LTN1: variants seen among roughly 807,000 people sequenced by gnomAD.
LTN1 encodes listerin E3 ubiquitin protein ligase 1, also known as E3 ubiquitin-protein ligase listerin.
Under a neutral mutation model 201.2 loss-of-function variants are expected in LTN1, and 88 were observed. The observed-to-expected ratio is 0.44, with a 90% CI of 0.37 to 0.52. The LOEUF (loss-of-function observed/expected upper bound fraction) is 0.52, where lower values mean the gene tolerates loss of function less well. Among genes scored for constraint, LTN1 ranks in the 20% least tolerant of loss-of-function variants. The probability of loss-of-function intolerance (pLI) is 0.00; values close to 1 mark genes in which losing one functional copy is unlikely to be tolerated. For synonymous variants in LTN1, 645 were observed against 713.5 expected (o/e 0.90, Z 1.53); for missense variants, 1,752 against 2,038.7 (o/e 0.86, Z 2.71).
intron 25 of LTN1, among the ~76,000 whole-genome samples, chr21:28,938,397 A>C (rs565526745): frequency 1.2e-4 from 19 of 152,334 alleles, no homozygotes; most frequent in African/African-American, 4.3e-4. Context: ...AATATGTTAA[A>C]AGATGTATGT....
At chr21:28,984,051 G>A (rs1394492661) in intron 4 of LTN1, among the ~76,000 whole-genome samples, 2 of 152,198 alleles carry the variant, frequency 1.3e-5, no homozygotes, top group East Asian at 1.9e-4. Flanking sequence ...CTGAAAATGG[G>A]AGTATAAATT....
intron 21 of LTN1, 71 bp from the exon 22 acceptor site, chr21:28,944,667 A>G: frequency 9.5e-7 from 1 of 1,049,588 alleles, no homozygotes; most frequent in South Asian, 1.5e-5. Context: ...GCCAATATAA[A>G]GAAAAGCCCC....
At chr21:28,976,368 G>C (rs1234793394) in intron 6 of LTN1, among the ~76,000 whole-genome samples, 1 of 152,158 alleles carries the variant, frequency 6.6e-6, no homozygotes, top group African/African-American at 2.4e-5. Flanking sequence ...GGGAGGCCAA[G>C]CCTGGTGGAT....
intron 11 of LTN1, among the ~76,000 whole-genome samples, chr21:28,962,884 T>C (rs960690469): frequency 3.3e-5 from 5 of 152,202 alleles, no homozygotes; most frequent in African/African-American, 1.2e-4. Flanking sequence ...TTACTGCTGA[T>C]ATGGACAAAG....
rs1047203924 is a variant in LTN1 at position 28,986,392 on chromosome 21, C to T, written c.247-155G>A. The T allele has an allele frequency of 1.5e-6, 1 of 686,664 alleles. No individual in the cohort carries two copies. Among genetic ancestry groups the T allele is most frequent in the Non-Finnish European group, 2.6e-6 (1 of 382,968 alleles). 42.5% of individuals were successfully genotyped at this position (686,664 alleles called of 1,614,324 possible). A position where few individuals can be genotyped will look rare whatever the true frequency, so the allele number is the denominator to read the frequency against. ...CTAGTTTGAAGAGCTCTTTCACAGG[C>T]TACTACGGTAGAAACTCTTCAGTTG... On this transcript the variant is annotated intron_variant, in intron 2 of 29. Transcript: ENST00000361371. The surrounding 1 kb of genome is among the most constrained non-coding windows in gnomAD (Gnocchi z 4.1).
In LTN1 at chr21:28,966,991, C is replaced by T. The variant is rs779036250; in HGVS notation, c.1500G>A (p.Ala500=). The T allele has an allele frequency of 1.9e-5, 30 of 1,613,882 alleles. No individual in the cohort carries two copies. The highest frequency in any genetic ancestry group is 8.3e-5 in the Admixed American group (5 of 59,978). ...FWERLSEICV[A]KISEPEADVE... ...CATCAGCTTCTGGCTCACTGATTTT[C>T]GCAACACAGATCTCTGACAGTCTTT... The change falls in exon 10 of 30, where the codon GCG becomes GCA. Residue 500 remains alanine, a synonymous_variant. Coordinates refer to ENST00000361371, the MANE Select transcript of LTN1 (RefSeq NM_015565.3).
chr21:28,991,488 G>A (rs2146323152), intron 1 of LTN1, among the ~76,000 whole-genome samples: 1 of 152,188 alleles, frequency 6.6e-6, no homozygotes, highest in East Asian at 1.9e-4. Flanking sequence ...TAAGAGTCCC[G>A]ACTTCTGCAA....
At chr21:28,951,910 C>T (rs994392918) in intron 18 of LTN1, among the ~76,000 whole-genome samples, 2 of 152,030 alleles carry the variant, frequency 1.3e-5, no homozygotes, top group African/African-American at 2.4e-5. Context: ...GTTGAGGGTA[C>T]AGTGAGCCAT....
chr21:28,975,591 C>CAA, intron 6 of LTN1, among the ~76,000 whole-genome samples: 1 of 152,196 alleles, frequency 6.6e-6, no homozygotes, highest in Non-Finnish European at 1.5e-5. Flanking sequence ...AAACTATTTA[C>CAA]AAAAATAGAT....
In LTN1 at chr21:28,928,853, T is replaced by C. The variant is rs2084189210; in HGVS notation, c.*1595A>G. ...TTTAAACAGTCTTATTATAAAACCATTTTTAAAGGAAAAGTAATAACTTTC... is the reference window on the plus strand; with the variant it reads ...TTTAAACAGTCTTATTATAAAACCACTTTTAAAGGAAAAGTAATAACTTTC... On this transcript the variant is annotated 3_prime_UTR_variant, in exon 30 of 30. Coordinates refer to ENST00000361371, the MANE Select transcript of LTN1 (RefSeq NM_015565.3). 1 of 152,510 alleles carries C rather than the reference T, an allele frequency of 6.6e-6. No individual in the cohort carries two copies. Among genetic ancestry groups the C allele is most frequent in the Non-Finnish European group, 1.5e-5 (1 of 67,996 alleles). 9.4% of individuals were successfully genotyped at this position (152,510 alleles called of 1,614,324 possible). A position where few individuals can be genotyped will look rare whatever the true frequency, so the allele number is the denominator to read the frequency against.
intron 27 of LTN1, 112 bp from the exon 28 acceptor site, chr21:28,932,776 T>G: frequency 3.1e-6 from 2 of 653,064 alleles, no homozygotes; most frequent in Non-Finnish European, 5.3e-6. Context: ...ACAGTGCAGG[T>G]AAATACATTC....
chr21:28,946,378 T>C, intron 19 of LTN1, 91 bp from the exon 20 acceptor site: 1 of 783,062 alleles, frequency 1.3e-6, no homozygotes, highest in East Asian at 3.0e-5. Flanking sequence ...TAAAAGACTT[T>C]CTTGAGAAGT....
chr21:28,952,139 A>T (rs568510635), intron 18 of LTN1, 21 bp downstream of exon 18: 1 of 1,469,958 alleles, frequency 6.8e-7, no homozygotes, highest in East Asian at 2.3e-5. Flanking sequence ...TACAAAGTAA[A>T]AACATTTTAA....
At chr21:28,966,258 T>G in intron 10 of LTN1, 112 bp downstream of exon 10, 1 of 877,876 alleles carries the variant, frequency 1.1e-6, no homozygotes, top group African/African-American at 1.7e-5. Flanking sequence ...AAGAATATAT[T>G]GCTTGTCCTA....
At chr21:28,948,270 C>CT (rs869195177) in intron 18 of LTN1, among the ~76,000 whole-genome samples, 1,398 of 126,636 alleles carry the variant, frequency 0.011, 21 homozygotes, top group African/African-American at 0.023. Context: ...TCTTTTCTTT[C>CT]TTTTTTTTTT....
chr21:28,982,216 C>CAAA, intron 5 of LTN1, 100 bp downstream of exon 5: 1 of 912,920 alleles, frequency 1.1e-6, no homozygotes, highest in Non-Finnish European at 1.6e-6. Context: ...GACTCTGTCT[C>CAAA]AAAAAAAAAA....
At chr21:28,953,877 A>C (rs887015963) in intron 16 of LTN1, among the ~76,000 whole-genome samples, 1 of 152,126 alleles carries the variant, frequency 6.6e-6, no homozygotes, top group African/African-American at 2.4e-5. Context: ...ACTACGAACT[A>C]CCTCACAGGA....
chr21:28,985,189 G>C (rs2084688077), intron 3 of LTN1, among the ~76,000 whole-genome samples: 1 of 152,210 alleles, frequency 6.6e-6, no homozygotes, highest in African/African-American at 2.4e-5. Context: ...GCCGAGCCTG[G>C]TGGCTCGTGC....
intron 1 of LTN1, among the ~76,000 whole-genome samples, chr21:28,989,524 A>C (rs1348247054): frequency 2.0e-5 from 3 of 151,434 alleles, no homozygotes; most frequent in Non-Finnish European, 4.4e-5. Flanking sequence ...CCTAGCTTCT[A>C]GAGTTATTTG....
Sources: gnomAD v4.1 joint callset for allele counts (sites outside exome capture counted in the v4.1 genomes callset) on GRCh38, gnomAD v4.1.1 for gene constraint, Gnocchi (gnomAD v3.1) non-coding constraint, MANE v1.5 for transcripts, NCBI Gene and HGNC (gene_info 2026-07-23, HGNC 2026-07-21) for gene names.